The following TRNP1 variants were observed in gnomAD, a reference collection of about 807,000 sequenced individuals.
The protein encoded by TRNP1 is TMF-regulated nuclear protein 1.
TRNP1 carries 16 observed loss-of-function variants against 12.2 expected under a neutral mutation model. The observed-to-expected ratio is 1.31, with a 90% CI of 0.89 to 1.99. The LOEUF (loss-of-function observed/expected upper bound fraction) is 1.99. Ranked by LOEUF, TRNP1 falls within the 30% of genes most tolerant of loss-of-function variation. TRNP1 has a pLI of 0.00. For missense variants in TRNP1, 338 were observed against 330.4 expected (o/e 1.02, Z -0.18); for synonymous variants, 139 against 166.2 (o/e 0.84, Z 1.26).
intron 1 of TRNP1, among the ~76,000 whole-genome samples, chr1:26,995,280 C>G (rs538651253): frequency 1.3e-5 from 2 of 152,330 alleles, no homozygotes; most frequent in East Asian, 3.9e-4. Context: ...AGGCTTAACT[C>G]CCAACCTGTT....
chr1:26,999,379 C>T (rs1190301151), intron 1 of TRNP1, among the ~76,000 whole-genome samples: 1 of 152,154 alleles, frequency 6.6e-6, no homozygotes, highest in African/African-American at 2.4e-5. Context: ...AGCAAAACTT[C>T]GTCTCAAAAA....
At chr1:26,998,755 C>G (rs898291796) in intron 1 of TRNP1, among the ~76,000 whole-genome samples, 2 of 152,156 alleles carry the variant, frequency 1.3e-5, no homozygotes, top group Non-Finnish European at 2.9e-5. Context: ...TAATCTGTTC[C>G]GGTTCTCCCA....
At position 26,993,720 on chromosome 1, in the gene TRNP1, G is replaced by A. The variant is rs1443484257; in HGVS notation, c.-67G>A. ...GTGGGGGCTGTGGCCGTGTCTAGCT[G>A]TTCGGGTGTGCTGTGGTCATCCTCC... On this transcript the variant is annotated 5_prime_UTR_variant, in exon 1 of 2. Coordinates refer to ENST00000522111, the MANE Select transcript of TRNP1 (RefSeq NM_001013642.3). 7 of 1,249,436 alleles carry A rather than the reference G, an allele frequency of 5.6e-6. No individual in the cohort carries two copies. The highest frequency in any genetic ancestry group is 6.0e-6 in the Non-Finnish European group (6 of 997,434). 77.4% of individuals were successfully genotyped at this position (1,249,436 alleles called of 1,614,324 possible). A position where few individuals can be genotyped will look rare whatever the true frequency, so the allele number is the denominator to read the frequency against.
chr1:26,994,331 C>CT lies in TRNP1; in HGVS notation c.545_546insT (p.Ala183ArgfsTer90). On this transcript the variant is annotated frameshift_variant, in exon 1 of 2. Transcript: ENST00000522111. LOFTEE classifies it high-confidence loss of function. The surrounding 1 kb of genome is among the most constrained non-coding windows in gnomAD (Gnocchi z 6.9). ...CGCCGCGGCCGCCGCGGCCGACCCC[C>CT]CGCGCTGCTGGCCTCGGCGCTGGGC... 1.8e-6 allele frequency: 2 copies of CT among 1,102,392 alleles called. No homozygotes were observed. Among genetic ancestry groups the CT allele is most frequent in the Non-Finnish European group, 2.2e-6 (2 of 906,476 alleles). The allele number at this position is 1,102,392 out of a possible 1,614,324, so 68.3% of individuals were successfully genotyped here. A position where few individuals can be genotyped will look rare whatever the true frequency, so the allele number is the denominator to read the frequency against.
At chr1:26,995,630 G>T (rs1057176143) in intron 1 of TRNP1, among the ~76,000 whole-genome samples, 9 of 152,148 alleles carry the variant, frequency 5.9e-5, no homozygotes, top group South Asian at 2.1e-4. Context: ...TAATTTTTTT[G>T]TTGTTGTTGT....
intron 1 of TRNP1, among the ~76,000 whole-genome samples, chr1:26,998,560 C>G (rs2082556805): frequency 6.6e-6 from 1 of 152,258 alleles, no homozygotes; most frequent in Non-Finnish European, 1.5e-5. Flanking sequence ...AAGGAGAGGC[C>G]TGCTGTCATG....
intron 1 of TRNP1, among the ~76,000 whole-genome samples, chr1:26,997,665 G>A (rs533589178): frequency 3.2e-4 from 48 of 152,260 alleles, no homozygotes; most frequent in Admixed American, 1.9e-3. Context: ...GGACACTGAC[G>A]GCCACCAATG....
Position 26,994,589 on chromosome 1 carries a change from A to C in TRNP1, c.*119A>C. The C allele has an allele frequency of 1.3e-6, 1 of 775,090 alleles. No homozygotes were observed. Among genetic ancestry groups the C allele is most frequent in the Non-Finnish European group, 1.6e-6 (1 of 625,102 alleles). 48.0% of individuals were successfully genotyped at this position (775,090 alleles called of 1,614,324 possible). ...CCGCAGGAAGAGGCAGTTGGGGGCC[A>C]GGGGCCCAGTAGAGGAGGCTGAGGT... On this transcript the variant is annotated 3_prime_UTR_variant, in exon 1 of 2. Coordinates refer to ENST00000522111, the MANE Select transcript of TRNP1 (RefSeq NM_001013642.3). The surrounding 1 kb of genome is among the most constrained non-coding windows in gnomAD (Gnocchi z 6.9).
rs1406854987 is a variant in TRNP1, at chr1:26,994,646, G to T, written c.*142+34G>T. 2.9e-6 allele frequency: 1 copy of T among 343,384 alleles called. No homozygotes were observed. Among genetic ancestry groups the T allele is most frequent in the East Asian group, 8.6e-5 (1 of 11,656 alleles). The allele number at this position is 343,384 out of a possible 1,614,324, so 21.3% of individuals were successfully genotyped here. On this transcript the variant is annotated intron_variant, in intron 1 of 1. Coordinates refer to ENST00000522111, the MANE Select transcript of TRNP1 (RefSeq NM_001013642.3). The surrounding 1 kb of genome is among the most constrained non-coding windows in gnomAD (Gnocchi z 6.9). ...TTAGCGGCTGGTGCGTTCGAGGGTC[G>T]GTCATGGCGTGTGGGGGGCTGGTCC...
At chr1:26,998,276 C>T (rs919577130) in intron 1 of TRNP1, among the ~76,000 whole-genome samples, 1 of 152,098 alleles carries the variant, frequency 6.6e-6, no homozygotes, top group African/African-American at 2.4e-5. Context: ...CCTGGAACCC[C>T]AGGGAGAAGA....
intron 1 of TRNP1, among the ~76,000 whole-genome samples, chr1:26,996,674 T>C (rs2082546804): frequency 6.6e-6 from 1 of 152,164 alleles, no homozygotes. Context: ...TTTTAGCTAA[T>C]GGTGTAAAGT....
At chr1:26,997,199 G>A (rs1452074059) in intron 1 of TRNP1, among the ~76,000 whole-genome samples, 4 of 151,836 alleles carry the variant, frequency 2.6e-5, no homozygotes, top group Non-Finnish European at 4.4e-5. Context: ...TTAGCTGGGC[G>A]TGGTGGCAGG....
chr1:26,994,224 G>C lies in TRNP1; in HGVS notation c.438G>C (p.Glu146Asp). 1 of 1,261,072 alleles carries C rather than the reference G, an allele frequency of 7.9e-7. No homozygotes were observed. The highest frequency in any genetic ancestry group is 2.4e-5 in the South Asian group (1 of 41,958). 78.1% of individuals were successfully genotyped at this position (1,261,072 alleles called of 1,614,324 possible). ...AAELRLAHRA[E>D]SLSRLSGGVA... The stretch of plus-strand genomic sequence containing the variant: ...AGCTGCGCCTGGCGCACCGCGCGGA[G>C]AGCCTGAGCCGCCTGAGCGGCGGCG... The change falls in exon 1 of 2, where the codon GAG becomes GAC. Residue 146 changes from glutamate to aspartate, a missense_variant. Transcript: ENST00000522111. The surrounding 1 kb of genome is among the most constrained non-coding windows in gnomAD (Gnocchi z 6.9).
intron 1 of TRNP1, among the ~76,000 whole-genome samples, chr1:26,996,566 A>G (rs2082546217): frequency 6.6e-6 from 1 of 152,162 alleles, no homozygotes. Context: ...AGGACAGGAC[A>G]TCTTGGAAAG....
chr1:26,999,082 G>C (rs1351869634), intron 1 of TRNP1, among the ~76,000 whole-genome samples: 1 of 152,108 alleles, frequency 6.6e-6, no homozygotes, highest in African/African-American at 2.4e-5. Flanking sequence ...GGGTGAGTCA[G>C]GCTGAGTCAG....
At chr1:26,997,887 G>C (rs1275299307) in intron 1 of TRNP1, among the ~76,000 whole-genome samples, 1 of 152,120 alleles carries the variant, frequency 6.6e-6, no homozygotes, top group Non-Finnish European at 1.5e-5. Context: ...TATTGTTCCT[G>C]CCCCCAATCA....
chr1:26,997,279 G>A (rs1046992205), intron 1 of TRNP1, among the ~76,000 whole-genome samples: 1 of 124,740 alleles, frequency 8.0e-6, no homozygotes, highest in Non-Finnish European at 1.6e-5. Context: ...AGGTTGCACC[G>A]CACTCCAGCC....
chr1:26,998,210 C>G (rs1053099517), intron 1 of TRNP1, among the ~76,000 whole-genome samples: 3 of 147,018 alleles, frequency 2.0e-5, no homozygotes, highest in Non-Finnish European at 4.6e-5. Flanking sequence ...GGTGAAACCC[C>G]GCCTCTACTG....
chr1:26,999,491 C>A (rs1012050910), intron 1 of TRNP1, among the ~76,000 whole-genome samples: 1 of 152,308 alleles, frequency 6.6e-6, no homozygotes, highest in East Asian at 1.9e-4. Context: ...CCTGGAGAGG[C>A]CGCCAGGACA....
Sources: gnomAD v4.1 joint callset for allele counts (sites outside exome capture counted in the v4.1 genomes callset) on GRCh38, gnomAD v4.1.1 for gene constraint, Gnocchi (gnomAD v3.1) non-coding constraint, MANE v1.5 for transcripts, NCBI Gene and HGNC (gene_info 2026-07-23, HGNC 2026-07-21) for gene names.